The following CNTNAP2 variants were observed in gnomAD, a reference collection of about 807,000 sequenced individuals.
CNTNAP2 encodes contactin-associated protein-like 2.
A neutral mutation model predicts 155.2 loss-of-function variants in CNTNAP2; 98 were observed. That is an observed-to-expected ratio of 0.63 (90% CI 0.54 to 0.75). CNTNAP2 has a LOEUF of 0.75. CNTNAP2 is among the 30% of genes least tolerant of loss of function. CNTNAP2 has a pLI of 0.00. For missense variants in CNTNAP2, 1,727 were observed against 1,688.1 expected (o/e 1.02, Z -0.40); for synonymous variants, 651 against 631.2 (o/e 1.03, Z -0.47).
At chr7:147,707,216 C>T (rs1796329168) in intron 13 of CNTNAP2, among the ~76,000 whole-genome samples, 1 of 152,114 alleles carries the variant, frequency 6.6e-6, no homozygotes, top group East Asian at 1.9e-4. Context: ...CTTACATTGA[C>T]ATCTATGTAT....
chr7:146,417,087 G>A (rs988217912), intron 1 of CNTNAP2, among the ~76,000 whole-genome samples: 1 of 152,080 alleles, frequency 6.6e-6, no homozygotes, highest in Non-Finnish European at 1.5e-5. Flanking sequence ...GAAATTAGGG[G>A]ACAGCAGAAG....
chr7:148,061,930 TAG>T lies in CNTNAP2; in HGVS notation c.2384-56186_2384-56185del, dbSNP rs1554468103. Among the ~76,000 whole-genome samples the T allele has an allele frequency of 8.2e-3, 1,121 of 137,298 alleles. 54 individuals are homozygous for T. Among genetic ancestry groups the T allele is most frequent in the African/African-American group, 0.029 (1,022 of 34,950 alleles). 90.1% of individuals were successfully genotyped at this position (137,298 alleles called of 152,430 possible). A position where few individuals can be genotyped will look rare whatever the true frequency, so the allele number is the denominator to read the frequency against. On this transcript the variant is annotated intron_variant, in intron 15 of 23. Coordinates refer to ENST00000361727, the MANE Select transcript of CNTNAP2 (RefSeq NM_014141.6). ...AGATAGATAAACAGATATAGATAGA[TAG>T]ATAGATAGATAGATAAACAGATATA...
chr7:147,596,616 T>A (rs1466513574), intron 12 of CNTNAP2, among the ~76,000 whole-genome samples: 2 of 152,154 alleles, frequency 1.3e-5, no homozygotes, highest in Non-Finnish European at 2.9e-5. Context: ...CAGCCTTTTG[T>A]TTTTTCTGGA....
intron 18 of CNTNAP2, among the ~76,000 whole-genome samples, chr7:148,204,982 C>T (rs539547316): frequency 3.3e-5 from 5 of 152,212 alleles, no homozygotes; most frequent in Admixed American, 1.3e-4. Flanking sequence ...TGCCCATTGG[C>T]ACCTATTGGA....
intron 13 of CNTNAP2, among the ~76,000 whole-genome samples, chr7:147,713,729 G>A (rs938679100): frequency 1.3e-5 from 2 of 152,108 alleles, no homozygotes; most frequent in African/African-American, 4.8e-5. Context: ...TGTTTTCTAT[G>A]GTGGTGTAGC....
chr7:147,470,145 A>G (rs1289357423), intron 10 of CNTNAP2, among the ~76,000 whole-genome samples: 2 of 152,190 alleles, frequency 1.3e-5, no homozygotes, highest in African/African-American at 4.8e-5. Context: ...TAGACTTTTA[A>G]AGGATCAGCC....
At chr7:148,339,893 C>T (rs1344838424) in intron 21 of CNTNAP2, among the ~76,000 whole-genome samples, 1 of 152,008 alleles carries the variant, frequency 6.6e-6, no homozygotes, top group Non-Finnish European at 1.5e-5. Context: ...ATTCGAAGCA[C>T]TACCAAGTCT....
intron 11 of CNTNAP2, among the ~76,000 whole-genome samples, chr7:147,500,516 A>G (rs11981481): frequency 0.32 from 48,386 of 152,020 alleles, 7,937 homozygotes; most frequent in East Asian, 0.43. Context: ...GCCACCGACC[A>G]GGTGCTTTTC....
intron 9 of CNTNAP2, among the ~76,000 whole-genome samples, chr7:147,331,289 G>T (rs1243572445): frequency 6.6e-6 from 1 of 152,068 alleles, no homozygotes; most frequent in Non-Finnish European, 1.5e-5. Flanking sequence ...CAGGATCGCT[G>T]GCTTGGACGA....
chr7:148,092,270 A>G (rs1227887667), intron 15 of CNTNAP2, among the ~76,000 whole-genome samples: 1 of 152,214 alleles, frequency 6.6e-6, no homozygotes, highest in Non-Finnish European at 1.5e-5. Context: ...GGGAGGGGAA[A>G]GTCCTTGTTT....
At chr7:146,502,802 A>G (rs529551844) in intron 1 of CNTNAP2, among the ~76,000 whole-genome samples, 4 of 152,224 alleles carry the variant, frequency 2.6e-5, no homozygotes, top group Non-Finnish European at 5.9e-5. Context: ...TTTTGTAGAA[A>G]TGAGGTTTTG....
At chr7:148,317,070 T>A (rs1797703357) in intron 21 of CNTNAP2, among the ~76,000 whole-genome samples, 1 of 152,184 alleles carries the variant, frequency 6.6e-6, no homozygotes, top group Non-Finnish European at 1.5e-5. Flanking sequence ...AAAAGTATGA[T>A]GCCAGCCAGG....
intron 8 of CNTNAP2, among the ~76,000 whole-genome samples, chr7:147,141,589 G>C (rs1028630382): frequency 1.3e-5 from 2 of 152,022 alleles, no homozygotes; most frequent in African/African-American, 4.8e-5. Flanking sequence ...TAACTCACCA[G>C]GGCCCCTTTC....
intron 13 of CNTNAP2, among the ~76,000 whole-genome samples, chr7:147,774,349 G>T (rs773923841): frequency 1.3e-5 from 2 of 152,134 alleles, no homozygotes; most frequent in African/African-American, 2.4e-5. Flanking sequence ...CCATGGAGAA[G>T]AATTTGCTTT....
intron 8 of CNTNAP2, among the ~76,000 whole-genome samples, chr7:147,256,552 C>T (rs1202163831): frequency 6.6e-6 from 1 of 152,000 alleles, no homozygotes; most frequent in Non-Finnish European, 1.5e-5. Flanking sequence ...AGAGTGATAG[C>T]CTGGACTAAG....
chr7:147,544,880 C>A (rs1026012777), intron 11 of CNTNAP2, among the ~76,000 whole-genome samples: 2 of 152,070 alleles, frequency 1.3e-5, no homozygotes, highest in Non-Finnish European at 2.9e-5. Context: ...TGTCTCTTTG[C>A]TCTTCCTTTA....
At chr7:148,256,877 T>C (rs1332839969) in intron 20 of CNTNAP2, among the ~76,000 whole-genome samples, 1 of 152,128 alleles carries the variant, frequency 6.6e-6, no homozygotes, top group Non-Finnish European at 1.5e-5. Flanking sequence ...TTGCCAACAA[T>C]TAATTAATAC....
intron 3 of CNTNAP2, among the ~76,000 whole-genome samples, chr7:146,876,589 C>T (rs1398252928): frequency 6.6e-6 from 1 of 152,100 alleles, no homozygotes; most frequent in Non-Finnish European, 1.5e-5. Flanking sequence ...CATTATTAAT[C>T]CATTCAACAA....
At chr7:146,750,767 T>G (rs1235408053) in intron 1 of CNTNAP2, among the ~76,000 whole-genome samples, 1 of 152,218 alleles carries the variant, frequency 6.6e-6, no homozygotes, top group African/African-American at 2.4e-5. Context: ...TTTCTCTTTT[T>G]GCCTTATGAA....
Sources: allele counts gnomAD v4.1 joint callset (sites outside exome capture counted in the v4.1 genomes callset), GRCh38; gene constraint gnomAD v4.1.1; transcripts MANE v1.5; gene names NCBI Gene and HGNC (gene_info 2026-07-23, HGNC 2026-07-21).